RNF128: variants seen among roughly 807,000 people sequenced by gnomAD.
RNF128 encodes E3 ubiquitin-protein ligase RNF128.
RNF128 carries 13 observed loss-of-function variants against 26.2 expected under a neutral mutation model. The ratio of observed to expected loss-of-function variants is 0.50; its 90% confidence interval spans 0.32 to 0.79. RNF128 has a LOEUF of 0.79. Ranked by LOEUF, RNF128 falls within the 30% of genes least tolerant of loss-of-function variation. The probability of loss-of-function intolerance (pLI) is 0.03; values close to 1 mark genes in which losing one functional copy is unlikely to be tolerated. For missense variants in RNF128, 315 were observed against 349.7 expected (o/e 0.90, Z 0.79); for synonymous variants, 149 against 142.5 (o/e 1.05, Z -0.32).
intron 1 of RNF128, among the ~76,000 whole-genome samples, chrX:106,740,809 A>T (rs955157377): frequency 9.0e-6 from 1 of 111,064 alleles, no homozygotes; most frequent in Non-Finnish European, 1.9e-5. Context: ...TCTCTCTAAA[A>T]CCTCAAAGTC....
chrX:106,712,077 T>TG (rs745399693), intron 1 of RNF128, among the ~76,000 whole-genome samples: 10 of 112,280 alleles, frequency 8.9e-5, no homozygotes, highest in Non-Finnish European at 1.7e-4. Context: ...AGCCCACCGG[T>TG]GGTGGTTAAA....
intron 1 of RNF128, among the ~76,000 whole-genome samples, chrX:106,706,714 G>A (rs113344996): frequency 5.4e-5 from 6 of 111,768 alleles, no homozygotes; most frequent in African/African-American, 9.8e-5. Flanking sequence ...TACTTTAAAC[G>A]GCGAAAGATG....
upstream of RNF128, among the ~76,000 whole-genome samples, chrX:106,723,269 G>A (rs943611624): frequency 3.6e-5 from 4 of 111,528 alleles, no homozygotes; most frequent in Non-Finnish European, 5.7e-5. Flanking sequence ...GAGTCCGTAC[G>A]CTTTAATATA....
intron 6 of RNF128, 135 bp from the exon 7 acceptor site, chrX:106,795,445 A>C: frequency 2.1e-6 from 1 of 481,797 alleles, no homozygotes. Context: ...TAATTATTAG[A>C]GGTACAGGGA....
At position 106,742,116 on chromosome X, in the gene RNF128, A is replaced by T. The variant is rs151176115; in HGVS notation, c.484+14719A>T. 9.1e-3 allele frequency among the ~76,000 whole-genome samples: 1,023 copies of T among 111,922 alleles called. 7 individuals are homozygous for T. The highest frequency in any genetic ancestry group is 0.016 in the Non-Finnish European group (832 of 53,112). ...GCTAAGGGGTTGTTAATGGTGATTT[A>T]AGTGAAAGATAATGGTGACAATGGA... On this transcript the variant is annotated intron_variant, in intron 1 of 6. Transcript: ENST00000255499.
chrX:106,696,380 A>G (rs1928873721), intron 1 of RNF128, among the ~76,000 whole-genome samples: 1 of 111,459 alleles, frequency 9.0e-6, no homozygotes, highest in South Asian at 3.8e-4. Context: ...TTATATAAAA[A>G]CTATTCAGTG....
At chrX:106,766,653 A>G (rs1421604471) in intron 1 of RNF128, among the ~76,000 whole-genome samples, 1 of 111,783 alleles carries the variant, frequency 8.9e-6, no homozygotes, top group African/African-American at 3.2e-5. Flanking sequence ...CTTTTCTCCC[A>G]TTCTGTAGGT....
At chrX:106,726,109 A>G, upstream of RNF128, among the ~76,000 whole-genome samples, 1 of 112,421 alleles carries the variant, frequency 8.9e-6, no homozygotes, top group Non-Finnish European at 1.9e-5. Flanking sequence ...TGTGAGGACT[A>G]AAATTAGTTT....
intron 1 of RNF128, among the ~76,000 whole-genome samples, chrX:106,743,829 A>C (rs1929744117): frequency 9.0e-6 from 1 of 111,520 alleles, no homozygotes; most frequent in South Asian, 3.7e-4. Flanking sequence ...CACTATTCAC[A>C]ATAGCAAAGA....
At position 106,727,368 on chromosome X, in the gene RNF128, G is replaced by T. The variant is rs769042021; in HGVS notation, c.455G>T (p.Arg152Leu). ...GAVIFNFPGT[R>L]NEVIPMSHPG... Reference sequence around the variant, plus strand: ...GTCATCTTTAACTTCCCCGGGACCCGCAATGAGGTCATCCCCATGTCTCAC... The same window carrying T: ...GTCATCTTTAACTTCCCCGGGACCCTCAATGAGGTCATCCCCATGTCTCAC... Residue 152 changes from arginine (R) to leucine (L), a missense_variant, in exon 1 of 7, where the codon CGC (arginine) becomes CTC (leucine). Coordinates refer to ENST00000255499, the MANE Select transcript of RNF128 (RefSeq NM_194463.2). 8.3e-7 allele frequency: 1 copy of T among 1,211,306 alleles called. No homozygotes were observed. The highest frequency in any genetic ancestry group is 2.2e-5 in the Admixed American group (1 of 46,037).
intron 2 of RNF128, among the ~76,000 whole-genome samples, chrX:106,783,612 C>G (rs970512664): frequency 9.0e-6 from 1 of 111,489 alleles, no homozygotes; most frequent in Non-Finnish European, 1.9e-5. Context: ...GATCACTTAT[C>G]TTGCCATGCT....
At chrX:106,778,070 A>G (rs1034139267) in intron 2 of RNF128, among the ~76,000 whole-genome samples, 1 of 111,914 alleles carries the variant, frequency 8.9e-6, no homozygotes, top group African/African-American at 3.2e-5. Flanking sequence ...ATAACATACA[A>G]CATAGGTGTT....
At chrX:106,717,424 C>T (rs898768953) in intron 1 of RNF128, among the ~76,000 whole-genome samples, 32 of 111,490 alleles carry the variant, frequency 2.9e-4, no homozygotes, top group African/African-American at 9.4e-4. Flanking sequence ...TCAGACTGTG[C>T]TTTCAATTAA....
chrX:106,741,214 C>T (rs1407492728), intron 1 of RNF128, among the ~76,000 whole-genome samples: 1 of 111,334 alleles, frequency 9.0e-6, no homozygotes, highest in Non-Finnish European at 1.9e-5. Flanking sequence ...TTATTTTTTT[C>T]CTCAGTATCA....
intron 1 of RNF128, among the ~76,000 whole-genome samples, chrX:106,715,579 C>T (rs7050209): frequency 0.17 from 18,659 of 110,628 alleles, 3,865 homozygotes; most frequent in African/African-American, 0.59. Context: ...GAAAATAGGA[C>T]CCAGGAACAA....
chrX:106,759,519 A>T (rs997337545), intron 1 of RNF128, among the ~76,000 whole-genome samples: 2 of 112,099 alleles, frequency 1.8e-5, no homozygotes, highest in African/African-American at 6.5e-5. Context: ...AATAACCATG[A>T]TTTGGAAGCA....
upstream of RNF128, among the ~76,000 whole-genome samples, chrX:106,723,897 G>C (rs146105128): frequency 8.3e-3 from 915 of 110,842 alleles, 10 homozygotes; most frequent in African/African-American, 0.028. Flanking sequence ...TTATCTCTCT[G>C]ATTGTCTCAC....
At chrX:106,741,097 A>C (rs1929694018) in intron 1 of RNF128, among the ~76,000 whole-genome samples, 1 of 112,022 alleles carries the variant, frequency 8.9e-6, no homozygotes, top group South Asian at 3.7e-4. Flanking sequence ...AAACAATGAC[A>C]ATAGAAAACA....
intron 1 of RNF128, among the ~76,000 whole-genome samples, chrX:106,720,024 G>C (rs1929283138): frequency 9.0e-6 from 1 of 111,084 alleles, no homozygotes; most frequent in South Asian, 3.8e-4. Flanking sequence ...GTGGTCACAG[G>C]TTTAATTCTT....
Sources: allele counts gnomAD v4.1 joint callset (sites outside exome capture counted in the v4.1 genomes callset), GRCh38; gene constraint gnomAD v4.1.1; transcripts MANE v1.5; gene names NCBI Gene and HGNC (gene_info 2026-07-23, HGNC 2026-07-21).